The following CDH12 variants were observed in gnomAD, a reference collection of about 807,000 sequenced individuals.
CDH12 encodes the protein cadherin 12.
CDH12 carries 41 observed loss-of-function variants against 74.1 expected under a neutral mutation model. The observed-to-expected ratio is 0.55, with a 90% CI of 0.43 to 0.72. CDH12 has a LOEUF of 0.72. Among genes scored for constraint, CDH12 ranks in the 30% least tolerant of loss-of-function variants. The pLI, the probability that CDH12 is intolerant of heterozygous loss-of-function variation, is 0.00. For missense variants in CDH12, 945 were observed against 977.2 expected, an observed-to-expected ratio of 0.97 and a Z score of 0.44; for synonymous variants, 399 against 355.0, an observed-to-expected ratio of 1.12 and a Z score of -1.39.
intron 4 of CDH12, among the ~76,000 whole-genome samples, chr5:22,189,046 T>C (rs1383676931): frequency 6.6e-6 from 1 of 152,166 alleles, no homozygotes; most frequent in East Asian, 1.9e-4. Context: ...AGTGTAATTT[T>C]CTTCTGTGAA....
At chr5:22,339,857 C>G (rs1472497169) in intron 3 of CDH12, among the ~76,000 whole-genome samples, 1 of 152,104 alleles carries the variant, frequency 6.6e-6, no homozygotes, top group Non-Finnish European at 1.5e-5. Context: ...ACAGATGTTA[C>G]ATATATACAT....
At chr5:22,034,722 T>A (rs1339486066) in intron 5 of CDH12, among the ~76,000 whole-genome samples, 3 of 152,052 alleles carry the variant, frequency 2.0e-5, no homozygotes, top group African/African-American at 7.2e-5. Context: ...TCTTGAGGAG[T>A]CTTCCAGGTG....
intron 1 of CDH12, among the ~76,000 whole-genome samples, chr5:22,754,667 C>T (rs532646527): frequency 6.6e-6 from 1 of 151,208 alleles, no homozygotes; most frequent in East Asian, 2.0e-4. Context: ...CGGCACAAAA[C>T]GAGATGGGAA....
At chr5:22,548,419 C>G (rs1240833501) in intron 1 of CDH12, among the ~76,000 whole-genome samples, 1 of 152,058 alleles carries the variant, frequency 6.6e-6, no homozygotes, top group Non-Finnish European at 1.5e-5. Flanking sequence ...TTTATACGTA[C>G]CTAGAAATAC....
intron 1 of CDH12, among the ~76,000 whole-genome samples, chr5:22,795,049 A>C (rs1004529437): frequency 2.6e-5 from 4 of 152,128 alleles, no homozygotes; most frequent in African/African-American, 9.7e-5. Flanking sequence ...TTTTAAATGC[A>C]TGTCCATGTT....
intron 4 of CDH12, among the ~76,000 whole-genome samples, chr5:22,141,001 T>C (rs1404827268): frequency 6.6e-6 from 1 of 152,182 alleles, no homozygotes; most frequent in Non-Finnish European, 1.5e-5. Context: ...TCAGATTAAA[T>C]TAAAACCTTT....
At position 21,755,678 on chromosome 5, in the gene CDH12, A is replaced by C; in HGVS notation, c.1798T>G (p.Ser600Ala). The change falls in exon 14 of 15, where the codon TCT becomes GCT. Residue 600 changes from serine (S) to alanine (A), a missense_variant. Transcript: ENST00000382254. ...CRCDSDGTIL[S>A]CNVEAIFLPV... ...AGAAAAATTGCTTCCACATTACAAG[A>C]CAGGATGGTGCCATCAGAGTCACAT... 6.2e-7 allele frequency: 1 copy of C among 1,614,126 alleles called. No individual in the cohort carries two copies. Among genetic ancestry groups the C allele is most frequent in the Non-Finnish European group, 8.5e-7 (1 of 1,179,998 alleles).
At chr5:22,785,681 C>T (rs1747586924) in intron 1 of CDH12, among the ~76,000 whole-genome samples, 1 of 152,172 alleles carries the variant, frequency 6.6e-6, no homozygotes, top group African/African-American at 2.4e-5. Context: ...CTACACCTGG[C>T]TAATTTTTGC....
intron 4 of CDH12, among the ~76,000 whole-genome samples, chr5:22,209,475 G>A (rs897228392): frequency 2.6e-5 from 4 of 151,856 alleles, no homozygotes; most frequent in African/African-American, 4.8e-5. Flanking sequence ...CCTTTTAATC[G>A]CATTTCAATA....
chr5:22,202,364 A>G (rs1750975541), intron 4 of CDH12, among the ~76,000 whole-genome samples: 1 of 152,122 alleles, frequency 6.6e-6, no homozygotes, highest in African/African-American at 2.4e-5. Flanking sequence ...ATAAGGAGAA[A>G]GAGATAGGGT....
chr5:22,415,678 A>C (rs1457756631), intron 2 of CDH12, among the ~76,000 whole-genome samples: 1 of 152,202 alleles, frequency 6.6e-6, no homozygotes, highest in Non-Finnish European at 1.5e-5. Flanking sequence ...GAGTGAACCC[A>C]CTTGAGTCTG....
At chr5:22,223,448 G>C (rs543265441) in intron 3 of CDH12, among the ~76,000 whole-genome samples, 1 of 152,088 alleles carries the variant, frequency 6.6e-6, no homozygotes, top group South Asian at 2.1e-4. Context: ...TGCTGGTTTG[G>C]TTCACAGATG....
intron 5 of CDH12, among the ~76,000 whole-genome samples, chr5:21,980,182 CATAT>C (rs370738806): frequency 6.9e-6 from 1 of 145,856 alleles, no homozygotes. Flanking sequence ...ATATGTATGG[CATAT>C]ATATATATAT....
chr5:22,735,675 A>G (rs1237891889), intron 1 of CDH12, among the ~76,000 whole-genome samples: 2 of 151,912 alleles, frequency 1.3e-5, no homozygotes, highest in Non-Finnish European at 2.9e-5. Context: ...GAACTTCTAA[A>G]TGAATTGGAA....
chr5:21,775,443 G>T (rs1037892261), intron 11 of CDH12, among the ~76,000 whole-genome samples: 1 of 152,030 alleles, frequency 6.6e-6, no homozygotes, highest in South Asian at 2.1e-4. Context: ...ACTCTTAGTC[G>T]CACCTGAAAA....
chr5:21,809,012 G>A (rs1473974159), intron 9 of CDH12, among the ~76,000 whole-genome samples: 2 of 151,900 alleles, frequency 1.3e-5, no homozygotes, highest in Admixed American at 6.6e-5. Flanking sequence ...GGCAAAAAGT[G>A]TTTGTAAACA....
At chr5:21,902,754 T>C (rs1753451765) in intron 6 of CDH12, among the ~76,000 whole-genome samples, 1 of 151,698 alleles carries the variant, frequency 6.6e-6, no homozygotes, top group Non-Finnish European at 1.5e-5. Context: ...TTTTGTTCAA[T>C]TTTTTTTAAA....
At chr5:21,981,379 A>C (rs189834179) in intron 5 of CDH12, among the ~76,000 whole-genome samples, 1 of 152,016 alleles carries the variant, frequency 6.6e-6, no homozygotes, top group East Asian at 1.9e-4. Context: ...TTTTTTACAT[A>C]CTGTTTATAA....
intron 3 of CDH12, among the ~76,000 whole-genome samples, chr5:22,345,339 C>G (rs181058993): frequency 6.6e-6 from 1 of 151,956 alleles, no homozygotes; most frequent in Non-Finnish European, 1.5e-5. Flanking sequence ...CGAGTTGGTC[C>G]TTTTGAAATT....
Sources: allele counts gnomAD v4.1 joint callset (sites outside exome capture counted in the v4.1 genomes callset), GRCh38; gene constraint gnomAD v4.1.1; transcripts MANE v1.5; gene names NCBI Gene and HGNC (gene_info 2026-07-23, HGNC 2026-07-21).